The following MMP1 variants were observed in gnomAD, a reference collection of about 807,000 sequenced individuals.
MMP1 encodes the protein matrix metallopeptidase 1, also known as interstitial collagenase.
Under a neutral mutation model 49.6 loss-of-function variants are expected in MMP1, and 51 were observed. The ratio of observed to expected loss-of-function variants is 1.03; its 90% CI spans 0.82 to 1.30. The LOEUF (loss-of-function observed/expected upper bound fraction) is 1.30, where lower values mean the gene tolerates loss of function less well. MMP1 is among the 50% of genes most tolerant of loss of function. The pLI is 0.00. For synonymous variants in MMP1, 230 were observed against 196.8 expected (o/e 1.17, Z -1.41); for missense variants, 623 against 568.7 (o/e 1.10, Z -0.97).
intron 6 of MMP1, among the ~76,000 whole-genome samples, chr11:102,793,799 A>G (rs1376774921): frequency 6.6e-6 from 1 of 152,196 alleles, no homozygotes; most frequent in Non-Finnish European, 1.5e-5. Context: ...AATAGGGACT[A>G]GGGTAACAGC....
At chr11:102,797,215 A>G in intron 2 of MMP1, 41 bp downstream of exon 2, 1 of 1,613,610 alleles carries the variant, frequency 6.2e-7, no homozygotes, top group South Asian at 1.1e-5. Context: ...TACCACTGTC[A>G]TGGGAAATAG....
At position 102,792,660 on chromosome 11, in the gene MMP1, A is replaced by T. The variant is rs747168649; in HGVS notation, c.978T>A (p.Asn326Lys). 10 of 1,613,902 alleles carry T rather than the reference A, an allele frequency of 6.2e-6. No individual in the cohort carries two copies. In the African/African-American group the frequency reaches 1.1e-4, roughly 17 times the overall value. ...CAAATTCGTAAGCAGCTTCAAGCCC[A>T]TTTGGCAGTTGTGGCCAGAAAACAG... is the stretch of plus-strand genomic sequence containing the variant. ...FISVFWPQLP[N>K]GLEAAYEFAD... The change falls in exon 7 of 10, where the codon AAT (asparagine) becomes AAA (lysine). Residue 326 changes from asparagine (N) to lysine (K), a missense_variant. By Grantham distance (94) the Asn-to-Lys change is moderately conservative. Coordinates refer to ENST00000315274, the MANE Select transcript of MMP1 (RefSeq NM_002421.4).
In MMP1 at chr11:102,790,261, T is replaced by A; in HGVS notation, c.*151A>T. On this transcript the variant is annotated 3_prime_UTR_variant, in exon 10 of 10. Transcript: ENST00000315274. ...ACAAAAAGGGCTACATTCTAAATAGTAAAAAAATATGCAAACTGAGGTATA... is the reference window on the plus strand; with the variant it reads ...ACAAAAAGGGCTACATTCTAAATAGAAAAAAAATATGCAAACTGAGGTATA... 1 of 521,228 alleles carries A rather than the reference T, an allele frequency of 1.9e-6. No homozygotes were observed. The allele number at this position is 521,228 out of a possible 1,614,324, so 32.3% of individuals were successfully genotyped here. A position where few individuals can be genotyped will look rare whatever the true frequency, so the allele number is the denominator to read the frequency against.
At chr11:102,791,243 G>A in intron 8 of MMP1, 90 bp downstream of exon 8, 3 of 1,401,920 alleles carry the variant, frequency 2.1e-6, no homozygotes, top group Non-Finnish European at 3.0e-6. Flanking sequence ...GCCGGCCAAG[G>A]CAGTTTGAGA....
intron 4 of MMP1, among the ~76,000 whole-genome samples, 162 bp downstream of exon 4, chr11:102,796,501 GA>G (rs1482531482): frequency 1.3e-5 from 2 of 152,170 alleles, no homozygotes; most frequent in African/African-American, 4.8e-5. Context: ...TTAGCTAGCA[GA>G]AAAGACCGCT....
intron 8 of MMP1, 100 bp downstream of exon 8, chr11:102,791,233 G>A (rs1348838673): frequency 2.3e-6 from 3 of 1,277,236 alleles, no homozygotes; most frequent in Admixed American, 1.9e-5. Flanking sequence ...AGGAAAGGAT[G>A]CCGGCCAAGG....
rs774980255 is a variant in MMP1 at position 102,790,380 on chromosome 11, C to T, written c.*32G>A. ...CAGGAAAACACCTTCTTTGGACTCA[C>T]ACCATGTGTTTTCCATTCAAATTAG... On this transcript the variant is annotated 3_prime_UTR_variant, in exon 10 of 10. Coordinates refer to ENST00000315274, the MANE Select transcript of MMP1 (RefSeq NM_002421.4). 10 of 1,339,504 alleles carry T rather than the reference C, an allele frequency of 7.5e-6. No individual in the cohort carries two copies. The highest frequency in any genetic ancestry group is 1.1e-5 in the Non-Finnish European group (10 of 941,478). 83.0% of individuals were successfully genotyped at this position (1,339,504 alleles called of 1,614,324 possible).
chr11:102,793,056 T>C (rs1440044910), intron 6 of MMP1: 1 of 168,986 alleles, frequency 5.9e-6, no homozygotes, highest in East Asian at 1.5e-4. Context: ...TTTTTATTAT[T>C]TTTATTACCT....
Position 102,795,924 on chromosome 11 carries a change from G to T in MMP1, c.626-317C>A, listed in dbSNP as rs17878931. 0.11 allele frequency among the ~76,000 whole-genome samples: 16,151 copies of T among 152,098 alleles called. 1,144 individuals are homozygous for T. The highest frequency in any genetic ancestry group is 0.21 in the Middle Eastern group (63 of 294). On this transcript the variant is annotated intron_variant, in intron 4 of 9. Coordinates refer to ENST00000315274, the MANE Select transcript of MMP1 (RefSeq NM_002421.4). ...GTACTATTTCACACAGAAGCAAAAT[G>T]TTCTATTAACATTTAATATTTTTCT...
In MMP1 at chr11:102,791,356, G is replaced by A; in HGVS notation, c.1173C>T (p.Phe391=). Residue 391 remains phenylalanine (F), a synonymous_variant, in exon 8 of 10, where the codon TTC becomes TTT. Transcript: ENST00000315274. ...ACCTCCAGTATTTGTTAGCAACAAA[G>A]AAGTAGGTTTTTCCAGTGTTTTCCT... The part of the protein sequence containing the change: ...LSEENTGKTY[F]FVANKYWRYD... 6.2e-7 allele frequency: 1 copy of A among 1,613,974 alleles called. No individual in the cohort carries two copies. The highest frequency in any genetic ancestry group is 8.5e-7 in the Non-Finnish European group (1 of 1,179,834).
intron 4 of MMP1, 98 bp from the exon 5 acceptor site, chr11:102,795,705 A>G: frequency 9.6e-7 from 1 of 1,040,400 alleles, no homozygotes. Flanking sequence ...GACTCATGTT[A>G]CTATTTTATC....
chr11:102,790,127 C>G lies in MMP1; in HGVS notation c.*285G>C. 4.6e-6 allele frequency: 1 copy of G among 215,954 alleles called. No individual in the cohort carries two copies. The highest frequency in any genetic ancestry group is 9.1e-6 in the Non-Finnish European group (1 of 109,654). The allele number at this position is 215,954 out of a possible 1,614,324, so 13.4% of individuals were successfully genotyped here. On this transcript the variant is annotated 3_prime_UTR_variant, in exon 10 of 10. Transcript: ENST00000315274. ...TGAAGCTGCTCTCTGGGATCAACGT[C>G]AGAGTTGCATACTCTGGAAAAGATC...
At position 102,795,306 on chromosome 11, in the gene MMP1, A is replaced by G. The variant is rs17884145; in HGVS notation, c.782-15T>C. The G allele has an allele frequency of 0.012, 19,283 of 1,612,738 alleles. 636 individuals are homozygous for G. The highest frequency in any genetic ancestry group is 0.12 in the African/African-American group (8,932 of 74,972). ...TTGGGAACGTCCTAAGGAAAATAAA[A>G]TACCTAGAGTTAGTTTTGCCTAGTA... On this transcript the variant is annotated splice_polypyrimidine_tract_variant and intron_variant, in intron 5 of 9. Transcript: ENST00000315274.
At chr11:102,790,601 A>G (rs2134360634) in intron 9 of MMP1, 80 bp from the exon 10 acceptor site, 1 of 1,305,412 alleles carries the variant, frequency 7.7e-7, no homozygotes, top group Non-Finnish European at 1.1e-6. Context: ...AAACCAATTC[A>G]TCTGTGAGCA....
chr11:102,792,164 C>A (rs1280197930), intron 7 of MMP1, among the ~76,000 whole-genome samples: 2 of 152,128 alleles, frequency 1.3e-5, no homozygotes, highest in African/African-American at 4.8e-5. Context: ...TGTTTCAAAG[C>A]GTTTGGCCCA....
At chr11:102,796,009 G>A (rs1858177866) in intron 4 of MMP1, among the ~76,000 whole-genome samples, 1 of 152,190 alleles carries the variant, frequency 6.6e-6, no homozygotes, top group Non-Finnish European at 1.5e-5. Context: ...GGAGGGCAGT[G>A]GCATGATCTT....
chr11:102,796,743 A>G lies in MMP1; in HGVS notation c.546T>C (p.Ala182=). 1.2e-6 allele frequency: 2 copies of G among 1,614,028 alleles called. No homozygotes were observed. Among genetic ancestry groups the G allele is most frequent in the Non-Finnish European group, 1.7e-6 (2 of 1,179,958 alleles). The change falls in exon 4 of 10, where the codon GCT becomes GCC. Residue 182 remains alanine, a synonymous_variant. Coordinates refer to ENST00000315274, the MANE Select transcript of MMP1 (RefSeq NM_002421.4). ...SPFDGPGGNL[A]HAFQPGPGIG... Reference sequence around the variant, plus strand: ...TACCTGGGCCTGGTTGAAAAGCATGAGCAAGATTTCCTCCAGGTCCATCAA... The same window carrying G: ...TACCTGGGCCTGGTTGAAAAGCATGGGCAAGATTTCCTCCAGGTCCATCAA...
In MMP1 at chr11:102,792,663, T is replaced by A. The variant is rs1230012399; in HGVS notation, c.975A>T (p.Pro325=). ...NFISVFWPQL[P]NGLEAAYEFA... ...ATTCGTAAGCAGCTTCAAGCCCATT[T>A]GGCAGTTGTGGCCAGAAAACAGAAA... The change falls in exon 7 of 10, where the codon CCA becomes CCT. Residue 325 remains proline, a synonymous_variant. Coordinates refer to ENST00000315274, the MANE Select transcript of MMP1 (RefSeq NM_002421.4). The A allele has an allele frequency of 6.8e-6, 11 of 1,614,026 alleles. No individual in the cohort carries two copies. Among genetic ancestry groups the A allele is most frequent in the Non-Finnish European group, 9.3e-6 (11 of 1,179,874 alleles).
At chr11:102,797,623 G>C (rs1249738587) in intron 1 of MMP1, 123 bp from the exon 2 acceptor site, 9 of 1,269,036 alleles carry the variant, frequency 7.1e-6, no homozygotes, top group Non-Finnish European at 9.7e-6. Context: ...AGATTTCGCA[G>C]TTGCTTTTAT....
Sources: gnomAD v4.1 joint callset for allele counts (sites outside exome capture counted in the v4.1 genomes callset) on GRCh38, gnomAD v4.1.1 for gene constraint, MANE v1.5 for transcripts, NCBI Gene and HGNC (gene_info 2026-07-23, HGNC 2026-07-21) for gene names.